The following CDK14 variants were observed in gnomAD, a reference collection of about 807,000 sequenced individuals.
CDK14 encodes cyclin-dependent kinase 14.
Under a neutral mutation model 60.7 loss-of-function variants are expected in CDK14, and 34 were observed. The ratio of observed to expected loss-of-function variants is 0.56; its 90% CI spans 0.43 to 0.75. The LOEUF is 0.75. CDK14 is among the 30% of genes least tolerant of loss of function. CDK14 has a pLI of 0.00. For synonymous variants in CDK14, 197 were observed against 203.7 expected (o/e 0.97, Z 0.28); for missense variants, 482 against 564.1 (o/e 0.85, Z 1.47).
chr7:91,107,498 T>C (rs1799340102), intron 12 of CDK14: 1 of 152,242 alleles, frequency 6.6e-6, no homozygotes, highest in Non-Finnish European at 1.5e-5. Flanking sequence ...AATGGTACAC[T>C]GCCATTTATC....
chr7:90,925,622 A>G (rs978478156), intron 8 of CDK14, among the ~76,000 whole-genome samples: 1 of 152,200 alleles, frequency 6.6e-6, no homozygotes, highest in Non-Finnish European at 1.5e-5. Flanking sequence ...AGCTACTTGG[A>G]AGGCTGAAGC....
intron 10 of CDK14, among the ~76,000 whole-genome samples, chr7:91,030,684 C>T (rs1293980113): frequency 6.6e-6 from 1 of 152,230 alleles, no homozygotes; most frequent in Non-Finnish European, 1.5e-5. Flanking sequence ...CCCCACCTTG[C>T]TGTTGATCCC....
intron 14 of CDK14, among the ~76,000 whole-genome samples, chr7:91,161,032 T>C: frequency 6.6e-6 from 1 of 152,300 alleles, no homozygotes; most frequent in East Asian, 1.9e-4. Flanking sequence ...AAGAGAAATG[T>C]GGAGACCCAC....
At chr7:90,853,540 T>C (rs377029269) in intron 5 of CDK14, among the ~76,000 whole-genome samples, 1 of 151,698 alleles carries the variant, frequency 6.6e-6, no homozygotes, top group East Asian at 1.9e-4. Flanking sequence ...ACACACACAC[T>C]CACACACACC....
chr7:91,070,941 T>C lies in CDK14; in HGVS notation c.1106-8491T>C, dbSNP rs73708236. Among the ~76,000 whole-genome samples the C allele has an allele frequency of 2.7e-3, 412 of 152,254 alleles. 4 individuals carry two copies. The highest frequency in any genetic ancestry group is 9.2e-3 in the African/African-American group (382 of 41,546). ...ATAAGTATTAAAGAGTCCAGGCTCT[T>C]ATATATTTTGGAAAGTAATATAGGA... On this transcript the variant is annotated intron_variant, in intron 11 of 14. Transcript: ENST00000380050.
chr7:90,700,854 A>G (rs1240771191), intron 2 of CDK14, among the ~76,000 whole-genome samples: 3 of 152,142 alleles, frequency 2.0e-5, no homozygotes, highest in Non-Finnish European at 2.9e-5. Flanking sequence ...ATTTATTTGT[A>G]TAAGTATCTG....
At chr7:91,165,708 A>G (rs1034153891) in intron 14 of CDK14, among the ~76,000 whole-genome samples, 3 of 152,228 alleles carry the variant, frequency 2.0e-5, no homozygotes, top group Non-Finnish European at 4.4e-5. Context: ...TAATCCATGC[A>G]TAACATTTCT....
At chr7:91,143,196 G>GA (rs920137482) in intron 14 of CDK14, among the ~76,000 whole-genome samples, 2 of 152,156 alleles carry the variant, frequency 1.3e-5, no homozygotes, top group Non-Finnish European at 2.9e-5. Context: ...CAGAACAGCT[G>GA]AAAAGTCCAG....
chr7:90,716,625 A>C (rs1802257514), intron 2 of CDK14, among the ~76,000 whole-genome samples: 1 of 152,108 alleles, frequency 6.6e-6, no homozygotes, highest in South Asian at 2.1e-4. Context: ...TTAAATTCAT[A>C]AACATATTGG....
chr7:91,150,188 A>G (rs1226595741), intron 14 of CDK14, among the ~76,000 whole-genome samples: 1 of 152,208 alleles, frequency 6.6e-6, no homozygotes, highest in East Asian at 1.9e-4. Context: ...GAGGAAGTGG[A>G]AGGGACATTC....
chr7:90,840,099 G>T (rs1464138781), intron 5 of CDK14, among the ~76,000 whole-genome samples: 3 of 152,298 alleles, frequency 2.0e-5, no homozygotes, highest in South Asian at 2.1e-4. Context: ...CTTCTAAGAG[G>T]ACTGTCCTAT....
chr7:91,021,230 G>A (rs570551621), intron 10 of CDK14, among the ~76,000 whole-genome samples: 50 of 152,300 alleles, frequency 3.3e-4, no homozygotes, highest in African/African-American at 1.2e-3. Flanking sequence ...AGTGGGAGGG[G>A]TTTGTACAAG....
intron 2 of CDK14, among the ~76,000 whole-genome samples, chr7:90,635,108 C>G (rs1317921206): frequency 1.3e-5 from 2 of 151,902 alleles, no homozygotes; most frequent in African/African-American, 2.4e-5. Context: ...ATGGTAGTTT[C>G]TTTTGCTGTG....
chr7:91,019,665 A>G (rs1327236709), intron 10 of CDK14, among the ~76,000 whole-genome samples: 3 of 152,062 alleles, frequency 2.0e-5, no homozygotes, highest in Non-Finnish European at 2.9e-5. Flanking sequence ...TTGTTATTTT[A>G]TCAAAATTAT....
At chr7:90,837,449 G>T (rs145561985) in intron 5 of CDK14, among the ~76,000 whole-genome samples, 1 of 151,708 alleles carries the variant, frequency 6.6e-6, no homozygotes, top group Non-Finnish European at 1.5e-5. Flanking sequence ...CACCACACCC[G>T]GCTAATTAAA....
chr7:91,087,891 A>T (rs990631191), intron 12 of CDK14, among the ~76,000 whole-genome samples: 3 of 152,196 alleles, frequency 2.0e-5, no homozygotes, highest in Admixed American at 6.5e-5. Context: ...TGGTGTGTTA[A>T]CAAATAGCGT....
At chr7:90,603,722 T>C (rs1020113106) in intron 1 of CDK14, among the ~76,000 whole-genome samples, 1 of 152,238 alleles carries the variant, frequency 6.6e-6, no homozygotes. Context: ...GTTTAAATTA[T>C]GTCTCTTACT....
intron 2 of CDK14, among the ~76,000 whole-genome samples, chr7:90,681,255 T>C (rs1801310265): frequency 6.6e-6 from 1 of 152,222 alleles, no homozygotes; most frequent in Non-Finnish European, 1.5e-5. Context: ...ACAGGGAGGC[T>C]CTTAACTGAG....
intron 5 of CDK14, among the ~76,000 whole-genome samples, chr7:90,813,955 C>A (rs1350479049): frequency 6.6e-6 from 1 of 151,876 alleles, no homozygotes; most frequent in Admixed American, 6.6e-5. Context: ...ATTAAAATAC[C>A]GATTTATAGG....
Sources: allele counts gnomAD v4.1 joint callset (sites outside exome capture counted in the v4.1 genomes callset), GRCh38; gene constraint gnomAD v4.1.1; transcripts MANE v1.5; gene names NCBI Gene and HGNC (gene_info 2026-07-23, HGNC 2026-07-21).